The following PTPRD variants were observed in gnomAD, a reference collection of about 807,000 sequenced individuals.
PTPRD encodes receptor-type tyrosine-protein phosphatase delta.
In PTPRD, 34 loss-of-function variants were observed where a neutral mutation model predicts 214.5. That is an observed-to-expected ratio of 0.16 (90% CI 0.12 to 0.21). PTPRD has a LOEUF of 0.21. Among genes scored for constraint, PTPRD ranks in the 10% least tolerant of loss-of-function variants. The pLI is 1.00. For missense variants in PTPRD, 2,545 were observed against 2,398.7 expected (o/e 1.06, Z -1.27); for synonymous variants, 1,128 against 845.7 (o/e 1.33, Z -5.79).
At chr9:10,426,074 G>A (rs1403333052) in intron 2 of PTPRD, among the ~76,000 whole-genome samples, 1 of 151,820 alleles carries the variant, frequency 6.6e-6, no homozygotes, top group South Asian at 2.1e-4. Flanking sequence ...TTCACTGTTT[G>A]CTTTTTTAGA....
chr9:9,811,565 G>A (rs1000628289), intron 5 of PTPRD, among the ~76,000 whole-genome samples: 5 of 152,110 alleles, frequency 3.3e-5, no homozygotes, highest in African/African-American at 1.2e-4. Context: ...AAATTAGCCA[G>A]GTGTGGTGGC....
chr9:10,066,676 G>A (rs2097891987), intron 3 of PTPRD, among the ~76,000 whole-genome samples: 1 of 151,894 alleles, frequency 6.6e-6, no homozygotes, highest in East Asian at 1.9e-4. Flanking sequence ...ATGCCTGAAG[G>A]ACCAAAACGA....
At chr9:8,634,656 A>G (rs1467803486) in intron 13 of PTPRD, among the ~76,000 whole-genome samples, 1 of 152,066 alleles carries the variant, frequency 6.6e-6, no homozygotes, top group Non-Finnish European at 1.5e-5. Context: ...CTTAGGAAAG[A>G]AAAGTTTCAT....
At chr9:9,550,197 T>C (rs907190361) in intron 8 of PTPRD, among the ~76,000 whole-genome samples, 6 of 151,872 alleles carry the variant, frequency 4.0e-5, no homozygotes, top group African/African-American at 1.2e-4. Context: ...TACTGTAGCA[T>C]AGAAATTCTG....
At chr9:8,889,029 TA>T (rs1245125089) in intron 11 of PTPRD, among the ~76,000 whole-genome samples, 2 of 152,188 alleles carry the variant, frequency 1.3e-5, no homozygotes, top group South Asian at 2.1e-4. Flanking sequence ...TATTAAATAA[TA>T]AGGATATTCA....
chr9:8,523,410 A>C (rs2097929706), intron 19 of PTPRD, 103 bp downstream of exon 19: 1 of 1,397,920 alleles, frequency 7.2e-7, no homozygotes. Context: ...ACCATTAACC[A>C]AAAGAAGAAC....
intron 2 of PTPRD, among the ~76,000 whole-genome samples, chr9:10,414,378 C>A (rs189496667): frequency 6.6e-6 from 1 of 151,966 alleles, no homozygotes; most frequent in Non-Finnish European, 1.5e-5. Flanking sequence ...CAAATCAAAA[C>A]CACAGTGAGA....
intron 3 of PTPRD, among the ~76,000 whole-genome samples, chr9:10,250,401 T>A (rs188705704): frequency 7.9e-5 from 12 of 152,214 alleles, no homozygotes; most frequent in African/African-American, 2.9e-4. Flanking sequence ...AGACAAGATG[T>A]ACTGGAACCA....
intron 8 of PTPRD, among the ~76,000 whole-genome samples, chr9:9,556,779 G>A (rs2081618320): frequency 6.6e-6 from 1 of 152,162 alleles, no homozygotes; most frequent in African/African-American, 2.4e-5. Flanking sequence ...GAAATTGAGA[G>A]CTCTGTGGTT....
rs188088927 is a variant in PTPRD, at chr9:9,866,285, T to C, written c.-368+72222A>G. Among the ~76,000 whole-genome samples the C allele has an allele frequency of 1.9e-4, 29 of 149,048 alleles. 1 individual carries two copies. The highest frequency in any genetic ancestry group is 5.4e-4 in the African/African-American group (21 of 38,534). On this transcript the variant is annotated intron_variant, in intron 5 of 45. Transcript: ENST00000381196. ...TTTGTTAACATTATTTTCATGAAAGTGAATTACATAGAAAAGTATTTCATA... is the reference window on the plus strand; with the variant it reads ...TTTGTTAACATTATTTTCATGAAAGCGAATTACATAGAAAAGTATTTCATA...
chr9:8,905,758 G>A (rs1587785106), intron 11 of PTPRD, among the ~76,000 whole-genome samples: 1 of 150,266 alleles, frequency 6.7e-6, no homozygotes, highest in East Asian at 1.9e-4. Flanking sequence ...AAAAAAAATG[G>A]AGAGAGAGAA....
In PTPRD at chr9:10,182,313, T is replaced by C. The variant is rs966187541; in HGVS notation, c.-544-148523A>G. Among the ~76,000 whole-genome samples, 3 of 138,558 alleles carry C rather than the reference T, an allele frequency of 2.2e-5. No homozygotes were observed. The South Asian group carries it at 6.8e-4, about 31-fold the overall frequency. The allele number at this position is 138,558 out of a possible 152,430, so 90.9% of individuals were successfully genotyped here. ...AAAAGAAAGGAATGCATTTACTGCA[T>C]CAAAATGATAGATTTTTAACCAAAG... On this transcript the variant is annotated intron_variant, in intron 3 of 45. Coordinates refer to ENST00000381196, the MANE Select transcript of PTPRD (RefSeq NM_002839.4).
chr9:9,414,079 T>G (rs1270592511), intron 8 of PTPRD, among the ~76,000 whole-genome samples: 1 of 152,244 alleles, frequency 6.6e-6, no homozygotes, highest in Non-Finnish European at 1.5e-5. Flanking sequence ...AAACAACGTT[T>G]GATTGGGTTC....
At chr9:10,049,847 T>A (rs747202648) in intron 3 of PTPRD, among the ~76,000 whole-genome samples, 1 of 152,148 alleles carries the variant, frequency 6.6e-6, no homozygotes, top group African/African-American at 2.4e-5. Context: ...AGCAAAACAT[T>A]TACACCTGAC....
intron 4 of PTPRD, among the ~76,000 whole-genome samples, chr9:9,991,630 G>C (rs2095929124): frequency 6.6e-6 from 1 of 152,038 alleles, no homozygotes. Context: ...CGAAGTGTTG[G>C]GACTACAGGC....
intron 9 of PTPRD, among the ~76,000 whole-genome samples, chr9:9,193,726 G>A (rs1483048956): frequency 6.6e-6 from 1 of 152,122 alleles, no homozygotes; most frequent in Admixed American, 6.6e-5. Flanking sequence ...CACTTACCAT[G>A]AATGGAGCTT....
chr9:10,206,090 G>A (rs565417761), intron 3 of PTPRD, among the ~76,000 whole-genome samples: 14 of 148,240 alleles, frequency 9.4e-5, no homozygotes, highest in Admixed American at 6.0e-4. Flanking sequence ...CACAGAGCGC[G>A]TGAAGCTTTA....
intron 7 of PTPRD, among the ~76,000 whole-genome samples, chr9:9,626,149 T>C (rs2095419270): frequency 6.6e-6 from 1 of 152,062 alleles, no homozygotes; most frequent in Non-Finnish European, 1.5e-5. Context: ...AATGAGAAAA[T>C]ATCCAGGAAG....
chr9:10,484,039 G>A (rs978064753), intron 2 of PTPRD, among the ~76,000 whole-genome samples: 1 of 152,052 alleles, frequency 6.6e-6, no homozygotes, highest in Non-Finnish European at 1.5e-5. Flanking sequence ...AACAACCAGT[G>A]AATGAATATA....
Sources: allele counts gnomAD v4.1 joint callset (sites outside exome capture counted in the v4.1 genomes callset), GRCh38; gene constraint gnomAD v4.1.1; transcripts MANE v1.5; gene names NCBI Gene and HGNC (gene_info 2026-07-23, HGNC 2026-07-21).